STX11: variants seen among roughly 807,000 people sequenced by gnomAD.
STX11 encodes the protein syntaxin-11.
Under a neutral mutation model 19.9 loss-of-function variants are expected in STX11, and 21 were observed. The ratio of observed to expected loss-of-function variants is 1.06; its 90% CI spans 0.75 to 1.52. The LOEUF (loss-of-function observed/expected upper bound fraction) is 1.52. STX11 is among the 40% of genes most tolerant of loss of function. STX11 has a pLI of 0.00. For missense variants in STX11, 438 were observed against 405.9 expected (o/e 1.08, Z -0.68); for synonymous variants, 193 against 174.4 (o/e 1.11, Z -0.84).
chr6:144,178,774 TTGAA>T (rs1485297580), intron 1 of STX11, among the ~76,000 whole-genome samples: 1 of 152,224 alleles, frequency 6.6e-6, no homozygotes, highest in Non-Finnish European at 1.5e-5. Context: ...AAATTTTGCT[TTGAA>T]TGAGCCCTAA....
rs150012945 is a variant in STX11, at chr6:144,177,793, G to T, written c.-5-8830G>T. Among the ~76,000 whole-genome samples the T allele has an allele frequency of 2.8e-3, 424 of 152,310 alleles. 2 individuals carry two copies. Among genetic ancestry groups the T allele is most frequent in the Admixed American group, 0.013 (195 of 15,290 alleles). On this transcript the variant is annotated intron_variant, in intron 1 of 1. Transcript: ENST00000367568. The surrounding 1 kb of genome is among the most constrained non-coding windows in gnomAD (Gnocchi z 4.4). Reference sequence around the variant, plus strand: ...AGCTCATCTACTGTCCTTTCCTGCTGTGGCTTCTATGCACCTGACTGTAAA... The same window carrying T: ...AGCTCATCTACTGTCCTTTCCTGCTTTGGCTTCTATGCACCTGACTGTAAA...
At chr6:144,140,386 C>G in the STX11 span, among the ~76,000 whole-genome samples, 6 of 151,502 alleles carry the variant, frequency 4.0e-5, no homozygotes, top group Non-Finnish European at 8.9e-5. Context: ...TCCTGAATAG[C>G]TGGGACTACA....
intron 1 of STX11, among the ~76,000 whole-genome samples, chr6:144,157,857 G>A (rs1214104101): frequency 6.6e-6 from 1 of 151,828 alleles, no homozygotes; most frequent in Non-Finnish European, 1.5e-5. Context: ...TGATATTAGG[G>A]TTCCCCCCGC....
At chr6:144,141,777 T>A in the STX11 span, among the ~76,000 whole-genome samples, 1 of 151,878 alleles carries the variant, frequency 6.6e-6, no homozygotes, top group African/African-American at 2.4e-5. Flanking sequence ...TTACTGGGCT[T>A]GGGTGATTCT....
intron 1 of STX11, among the ~76,000 whole-genome samples, chr6:144,163,740 C>T (rs577318124): frequency 2.7e-3 from 408 of 152,272 alleles, no homozygotes; most frequent in African/African-American, 9.6e-3. Context: ...CCTCCTCAGC[C>T]TCCCAAAGTG....
In STX11 at chr6:144,191,241, A is replaced by T. The variant is rs909779527; in HGVS notation, c.*3750A>T. ...GTGGTAACAACTCCAGAAATGTCCTAACTAGGAAAGGTGCTCATCTAGTAT... is the reference window on the plus strand; with the variant it reads ...GTGGTAACAACTCCAGAAATGTCCTTACTAGGAAAGGTGCTCATCTAGTAT... On this transcript the variant is annotated 3_prime_UTR_variant, in exon 2 of 2. Transcript: ENST00000367568. 2.0e-5 allele frequency among the ~76,000 whole-genome samples: 3 copies of T among 147,440 alleles called. No individual in the cohort carries two copies. Among genetic ancestry groups the T allele is most frequent in the Non-Finnish European group, 4.5e-5 (3 of 67,228 alleles).
At chr6:144,148,136 TCA>T (rs1800910712), upstream of STX11, among the ~76,000 whole-genome samples, 1 of 152,210 alleles carries the variant, frequency 6.6e-6, no homozygotes. Flanking sequence ...TAAACATTCT[TCA>T]GTCTTCCTGT....
chr6:144,141,651 G>GTTT, the STX11 span, among the ~76,000 whole-genome samples: 1 of 139,294 alleles, frequency 7.2e-6, no homozygotes, highest in Admixed American at 7.1e-5. Context: ...ATTATTTTCA[G>GTTT]TTTTGTTGTT....
At chr6:144,142,553 G>T in the STX11 span, among the ~76,000 whole-genome samples, 22 of 152,060 alleles carry the variant, frequency 1.4e-4, 2 homozygotes, top group Admixed American at 1.4e-3. Flanking sequence ...AGAAAATGTG[G>T]TATATAAACA....
chr6:144,149,835 G>A (rs1800947690), upstream of STX11, among the ~76,000 whole-genome samples: 1 of 152,156 alleles, frequency 6.6e-6, no homozygotes, highest in African/African-American at 2.4e-5. The surrounding 1 kb of genome is among the most constrained non-coding windows in gnomAD (Gnocchi z 5.1). Context: ...TGTTTTTCAA[G>A]GTGCTTTACC....
the STX11 span, among the ~76,000 whole-genome samples, chr6:144,144,214 A>G: frequency 1.8e-3 from 276 of 152,370 alleles, 2 homozygotes; most frequent in Middle Eastern, 0.027. Context: ...CTTATGATTT[A>G]GTAGGTGAGT....
chr6:144,154,564 G>T lies in STX11; in HGVS notation c.-6+3861G>T, dbSNP rs1228552288. Among the ~76,000 whole-genome samples, 1 of 152,136 alleles carries T rather than the reference G, an allele frequency of 6.6e-6. No homozygotes were observed. The highest frequency in any genetic ancestry group is 1.9e-4 in the East Asian group (1 of 5,198). On this transcript the variant is annotated intron_variant, in intron 1 of 1. Coordinates refer to ENST00000367568, the MANE Select transcript of STX11 (RefSeq NM_003764.4). This position sits in a 1 kb window ranked among gnomAD's most constrained non-coding sequence, Gnocchi z 4.7. ...ATTTCTCAGATGCACTCAATGTTTTGTTGCTAAGATTTTCCATAGGGAAGC... is the reference window on the plus strand; with the variant it reads ...ATTTCTCAGATGCACTCAATGTTTTTTTGCTAAGATTTTCCATAGGGAAGC...
chr6:144,187,402 G>A lies in STX11; in HGVS notation c.775G>A (p.Ala259Thr). 6.2e-7 allele frequency: 1 copy of A among 1,611,318 alleles called. No homozygotes were observed. The highest frequency in any genetic ancestry group is 8.5e-7 in the Non-Finnish European group (1 of 1,179,988). Residue 259 changes from alanine to threonine, a missense_variant, in exon 2 of 2, where the codon GCC becomes ACC. Physicochemically the swap from Ala to Thr is moderately conservative, Grantham distance 58. Coordinates refer to ENST00000367568, the MANE Select transcript of STX11 (RefSeq NM_003764.4). This position sits in a 1 kb window ranked among gnomAD's most constrained non-coding sequence, Gnocchi z 5.6. The part of the protein sequence containing the change: ...VQKTVDYTGQ[A>T]KAQVRKAVQY... Reference sequence around the variant, plus strand: ...AAAGACGGTCGACTACACCGGCCAGGCCAAGGCGCAGGTGCGGAAGGCCGT... The same window carrying A: ...AAAGACGGTCGACTACACCGGCCAGACCAAGGCGCAGGTGCGGAAGGCCGT...
chr6:144,180,881 A>G lies in STX11; in HGVS notation c.-5-5742A>G, dbSNP rs992775043. 1.3e-5 allele frequency among the ~76,000 whole-genome samples: 2 copies of G among 152,246 alleles called. No individual in the cohort carries two copies. The highest frequency in any genetic ancestry group is 4.8e-5 in the African/African-American group (2 of 41,470). On this transcript the variant is annotated intron_variant, in intron 1 of 1. Coordinates refer to ENST00000367568, the MANE Select transcript of STX11 (RefSeq NM_003764.4). The surrounding 1 kb of genome is among the most constrained non-coding windows in gnomAD (Gnocchi z 5.3). ...GGCTAGAATATTTAACTAATAGAAT[A>G]TCACCATCCTTCCTTGTTCCCTGTG...
At position 144,165,225 on chromosome 6, in the gene STX11, C is replaced by T. The variant is rs1366937410; in HGVS notation, c.-6+14522C>T. Among the ~76,000 whole-genome samples, 4 of 151,892 alleles carry T rather than the reference C, an allele frequency of 2.6e-5. No homozygotes were observed. Among genetic ancestry groups the T allele is most frequent in the African/African-American group, 7.2e-5 (3 of 41,380 alleles). ...ATCCCAGCACTTTGGGAGGCTGAGG[C>T]GGGCAGATCACCTGAGGTTGGGAGT... On this transcript the variant is annotated intron_variant, in intron 1 of 1. Transcript: ENST00000367568. This position sits in a 1 kb window ranked among gnomAD's most constrained non-coding sequence, Gnocchi z 5.8.
At chr6:144,171,189 C>A (rs1801621562) in intron 1 of STX11, among the ~76,000 whole-genome samples, 1 of 152,188 alleles carries the variant, frequency 6.6e-6, no homozygotes, top group Non-Finnish European at 1.5e-5. Flanking sequence ...CTTAGCCCCC[C>A]TCCTATACGT....
chr6:144,166,377 A>G (rs1214550355), intron 1 of STX11, among the ~76,000 whole-genome samples: 2 of 152,172 alleles, frequency 1.3e-5, no homozygotes, highest in Non-Finnish European at 2.9e-5. Flanking sequence ...GATTTTCACA[A>G]TCTCTGGGAC....
Position 144,186,683 on chromosome 6 carries a change from T to G in STX11, c.56T>G (p.Phe19Cys). The change falls in exon 2 of 2, where the codon TTC becomes TGC. Residue 19 changes from phenylalanine (F) to cysteine (C), a missense_variant. By Grantham distance (205) the Phe-to-Cys change is radical (BLOSUM62 -2). Transcript: ENST00000367568. ...TTGTCCAAGCAATATGACCAGCAGT[T>G]CCCAGACGGGGACGATGAGTTTGAC... is the stretch of plus-strand genomic sequence containing the variant. ...LDLSKQYDQQ[F>C]PDGDDEFDSP... 1 of 1,614,158 alleles carries G rather than the reference T, an allele frequency of 6.2e-7. No individual in the cohort carries two copies. Among genetic ancestry groups the G allele is most frequent in the Non-Finnish European group, 8.5e-7 (1 of 1,180,020 alleles).
upstream of STX11, among the ~76,000 whole-genome samples, chr6:144,146,731 A>C (rs1353986069): frequency 1.3e-5 from 2 of 152,082 alleles, no homozygotes; most frequent in African/African-American, 4.8e-5. The surrounding 1 kb of genome is among the most constrained non-coding windows in gnomAD (Gnocchi z 4.4). Context: ...TAATTCTTTG[A>C]TTTTTAGTAA....
Sources: gnomAD v4.1 joint callset for allele counts (sites outside exome capture counted in the v4.1 genomes callset) on GRCh38, gnomAD v4.1.1 for gene constraint, Gnocchi (gnomAD v3.1) non-coding constraint, MANE v1.5 for transcripts, NCBI Gene and HGNC (gene_info 2026-07-23, HGNC 2026-07-21) for gene names.